The following ADAMTSL1 variants were observed in gnomAD, a reference collection of about 807,000 sequenced individuals.
The protein encoded by ADAMTSL1 is ADAMTS like 1.
A neutral mutation model predicts 201.8 loss-of-function variants in ADAMTSL1; 126 were observed. That is an observed-to-expected ratio of 0.62 (90% CI 0.54 to 0.72). ADAMTSL1 has a LOEUF of 0.72. Ranked by LOEUF, ADAMTSL1 falls within the 30% of genes least tolerant of loss-of-function variation. ADAMTSL1 has a pLI of 0.00. For missense variants in ADAMTSL1, 2,679 were observed against 2,277.8 expected (o/e 1.18, Z -3.59); for synonymous variants, 1,121 against 903.4 (o/e 1.24, Z -4.32).
chr9:18,570,053 G>C (rs1412508903), intron 3 of ADAMTSL1, among the ~76,000 whole-genome samples: 1 of 151,994 alleles, frequency 6.6e-6, no homozygotes, highest in Admixed American at 6.6e-5. Flanking sequence ...TAGGTTATCA[G>C]TTTCTAAATC....
intron 1 of ADAMTSL1, among the ~76,000 whole-genome samples, chr9:18,153,932 C>G (rs1827033255): frequency 6.6e-6 from 1 of 151,788 alleles, no homozygotes; most frequent in Non-Finnish European, 1.5e-5. Context: ...TGTTTTCTAC[C>G]CTAAAGGCAA....
intron 1 of ADAMTSL1, among the ~76,000 whole-genome samples, chr9:18,085,500 C>CTGTGTGTGCATATATATATATAT (rs1420077236): frequency 2.0e-5 from 3 of 148,116 alleles, no homozygotes; most frequent in Non-Finnish European, 3.0e-5. Flanking sequence ...TATATATATA[C>CTGTGTGTGCATATATATATATAT]TGTGTGTGCA....
At chr9:17,931,758 G>T (rs891125733) in intron 1 of ADAMTSL1, among the ~76,000 whole-genome samples, 1 of 152,078 alleles carries the variant, frequency 6.6e-6, no homozygotes, top group Admixed American at 6.6e-5. Context: ...AGGTCATGGT[G>T]GCATCCTTCT....
At chr9:18,824,156 G>C (rs1021503152) in intron 21 of ADAMTSL1, among the ~76,000 whole-genome samples, 1 of 151,070 alleles carries the variant, frequency 6.6e-6, no homozygotes, top group African/African-American at 2.4e-5. Flanking sequence ...ATTTACTTCT[G>C]AGGCTGTCTC....
chr9:18,855,882 G>T (rs1011006183), intron 23 of ADAMTSL1, among the ~76,000 whole-genome samples: 1 of 152,304 alleles, frequency 6.6e-6, no homozygotes, highest in East Asian at 1.9e-4. Context: ...ACCAGCACAA[G>T]CCTGTGTGTC....
chr9:18,563,322 C>T (rs1427908131), intron 3 of ADAMTSL1, among the ~76,000 whole-genome samples: 2 of 152,200 alleles, frequency 1.3e-5, no homozygotes, highest in Non-Finnish European at 2.9e-5. Context: ...CCCTGTTTAC[C>T]TGGGTATCGG....
intron 3 of ADAMTSL1, among the ~76,000 whole-genome samples, chr9:18,558,546 G>C (rs912204976): frequency 2.6e-5 from 4 of 152,000 alleles, no homozygotes; most frequent in African/African-American, 9.7e-5. Context: ...TGCTGGGTCA[G>C]ATGGTATTTC....
chr9:17,908,090 C>A (rs1456438797), intron 1 of ADAMTSL1, among the ~76,000 whole-genome samples: 1 of 152,030 alleles, frequency 6.6e-6, no homozygotes, highest in East Asian at 1.9e-4. Context: ...GAGAGAGGAC[C>A]GAGAATGTTG....
chr9:18,684,947 A>G lies in ADAMTSL1; in HGVS notation c.1574+147A>G, dbSNP rs142114917. ...TTGGCTCTCAAATTAAAGATTGATT[A>G]GTTTCAAAAAGTGTTTGTCAAAGCT... On this transcript the variant is annotated intron_variant, in intron 13 of 28. Transcript: ENST00000380548. 160 of 1,397,410 alleles carry G rather than the reference A, an allele frequency of 1.1e-4. No homozygotes were observed. In the African/African-American group the frequency reaches 2.2e-3, roughly 19 times the overall value. 86.6% of individuals were successfully genotyped at this position (1,397,410 alleles called of 1,614,324 possible). A position where few individuals can be genotyped will look rare whatever the true frequency, so the allele number is the denominator to read the frequency against.
At chr9:18,904,505 AAG>A (rs1371640329) in intron 26 of ADAMTSL1, among the ~76,000 whole-genome samples, 2 of 151,568 alleles carry the variant, frequency 1.3e-5, no homozygotes, top group Non-Finnish European at 2.9e-5. Flanking sequence ...AATACGGTTA[AAG>A]AGAGAAATTT....
At chr9:18,245,594 G>T (rs1253876083) in intron 2 of ADAMTSL1, among the ~76,000 whole-genome samples, 1 of 152,112 alleles carries the variant, frequency 6.6e-6, no homozygotes, top group Non-Finnish European at 1.5e-5. Context: ...AGGTGTCCCA[G>T]TTGAGAAGTC....
rs115104269 is a variant in ADAMTSL1 at position 17,980,718 on chromosome 9, T to A, written c.87+73796T>A. ...AGAGAGGATCACTGTCTTGGCCATA[T>A]GAGAATACTGTCTTAGTCTGTATTT... is the stretch of plus-strand genomic sequence containing the variant. On this transcript the variant is annotated intron_variant, in intron 1 of 29. Transcript: ENST00000680146. 5.5e-3 allele frequency among the ~76,000 whole-genome samples: 840 copies of A among 152,236 alleles called. 8 individuals are homozygous for A. The highest frequency in any genetic ancestry group is 0.019 in the African/African-American group (798 of 41,550).
intron 3 of ADAMTSL1, among the ~76,000 whole-genome samples, chr9:18,573,799 C>T (rs1056956803): frequency 6.6e-6 from 1 of 152,136 alleles, no homozygotes; most frequent in East Asian, 1.9e-4. Flanking sequence ...ATTATTTTTC[C>T]ATTTAAACTC....
At chr9:18,792,245 A>G (rs1418402181) in intron 19 of ADAMTSL1, among the ~76,000 whole-genome samples, 1 of 152,158 alleles carries the variant, frequency 6.6e-6, no homozygotes, top group African/African-American at 2.4e-5. Flanking sequence ...AGTCATTGGA[A>G]ATACCAAAAG....
intron 3 of ADAMTSL1, among the ~76,000 whole-genome samples, chr9:18,551,468 CT>C (rs1451432904): frequency 6.6e-6 from 1 of 150,406 alleles, no homozygotes; most frequent in East Asian, 1.9e-4. Context: ...TTGTCTATTC[CT>C]TTCATGTTTA....
chr9:18,381,815 C>T (rs1261485440), intron 2 of ADAMTSL1, among the ~76,000 whole-genome samples: 1 of 151,782 alleles, frequency 6.6e-6, no homozygotes, highest in Non-Finnish European at 1.5e-5. Context: ...CCTTCACATG[C>T]TCCTGGTGAA....
At chr9:17,973,144 G>A (rs1818286246) in intron 1 of ADAMTSL1, among the ~76,000 whole-genome samples, 1 of 150,702 alleles carries the variant, frequency 6.6e-6, no homozygotes, top group Non-Finnish European at 1.5e-5. Context: ...ATTTTCTTTT[G>A]CTGTGCAGAA....
At chr9:18,502,982 G>A (rs1054482788) in intron 1 of ADAMTSL1, among the ~76,000 whole-genome samples, 3 of 151,908 alleles carry the variant, frequency 2.0e-5, no homozygotes, top group African/African-American at 4.8e-5. Flanking sequence ...TTATTATTTA[G>A]GCCCTATGTA....
chr9:18,749,125 A>T (rs949204892), intron 15 of ADAMTSL1, among the ~76,000 whole-genome samples: 1 of 152,162 alleles, frequency 6.6e-6, no homozygotes, highest in African/African-American at 2.4e-5. Context: ...AAGCGATTAC[A>T]TCTACAGTGA....
Sources: gnomAD v4.1 joint callset for allele counts (sites outside exome capture counted in the v4.1 genomes callset) on GRCh38, gnomAD v4.1.1 for gene constraint, MANE v1.5 for transcripts, NCBI Gene and HGNC (gene_info 2026-07-23, HGNC 2026-07-21) for gene names.